LRFN2: variants seen among roughly 807,000 people sequenced by gnomAD.
LRFN2 encodes the protein leucine-rich repeat and fibronectin type-III domain-containing protein 2.
Under a neutral mutation model 37.3 loss-of-function variants are expected in LRFN2, and 18 were observed. The ratio of observed to expected loss-of-function variants is 0.48; its 90% CI spans 0.33 to 0.72. The LOEUF (loss-of-function observed/expected upper bound fraction) is 0.72, where lower values mean the gene tolerates loss of function less well. LRFN2 is among the 30% of genes least tolerant of loss of function. The pLI is 0.02. For missense variants in LRFN2, 1,006 were observed against 1,060.7 expected (o/e 0.95, Z 0.72); for synonymous variants, 556 against 466.6 (o/e 1.19, Z -2.47).
At chr6:40,410,788 T>A (rs1177319845) in intron 2 of LRFN2, among the ~76,000 whole-genome samples, 1 of 152,166 alleles carries the variant, frequency 6.6e-6, no homozygotes, top group Non-Finnish European at 1.5e-5. Flanking sequence ...GGGGTTGGGG[T>A]CTCTGCCAGA....
chr6:40,577,253 G>A (rs886141935), intron 1 of LRFN2, among the ~76,000 whole-genome samples: 15 of 151,718 alleles, frequency 9.9e-5, no homozygotes, highest in Non-Finnish European at 1.6e-4. Context: ...AGGCACGCGC[G>A]GCCATGTCCA....
chr6:40,435,048 T>G (rs1362795955), intron 1 of LRFN2, among the ~76,000 whole-genome samples: 6,526 of 69,444 alleles, frequency 0.094, 189 homozygotes, highest in East Asian at 0.17. Context: ...TATATATATA[T>G]ATATAGAGAG....
chr6:40,551,127 C>G (rs559837365), intron 1 of LRFN2, among the ~76,000 whole-genome samples: 2 of 152,256 alleles, frequency 1.3e-5, no homozygotes, highest in East Asian at 3.9e-4. Context: ...ACCCTGGCCA[C>G]AGAGACTAGT....
At chr6:40,486,037 C>G (rs924056468) in intron 1 of LRFN2, among the ~76,000 whole-genome samples, 5 of 152,360 alleles carry the variant, frequency 3.3e-5, no homozygotes, top group Middle Eastern at 3.4e-3. Context: ...AGTGCTACCC[C>G]TCCCTCCTGC....
At position 40,538,725 on chromosome 6, in the gene LRFN2, C is replaced by T. The variant is rs561842353; in HGVS notation, c.-19+48216G>A. 1.2e-3 allele frequency among the ~76,000 whole-genome samples: 190 copies of T among 152,346 alleles called. 1 individual carries two copies. Among genetic ancestry groups the T allele is most frequent in the African/African-American group, 4.4e-3 (181 of 41,576 alleles). On this transcript the variant is annotated intron_variant, in intron 1 of 2. Coordinates refer to ENST00000338305, the MANE Select transcript of LRFN2 (RefSeq NM_020737.3). ...TGTCTGACGCAGGGCGTCCTCTCAG[C>T]GCAGCCCCTCTCCACCTGCCCCCGG...
chr6:40,444,700 G>C (rs142505919), intron 1 of LRFN2, among the ~76,000 whole-genome samples: 2 of 152,178 alleles, frequency 1.3e-5, no homozygotes, highest in East Asian at 3.9e-4. Flanking sequence ...AATTAAGCTG[G>C]GTGGGGGTCA....
At chr6:40,453,552 A>ACC (rs1764167161) in intron 1 of LRFN2, among the ~76,000 whole-genome samples, 1 of 126,458 alleles carries the variant, frequency 7.9e-6, no homozygotes, top group African/African-American at 3.0e-5. Flanking sequence ...ACACACACAC[A>ACC]CACCTCCCTT....
At chr6:40,455,976 G>T (rs1398465640) in intron 1 of LRFN2, among the ~76,000 whole-genome samples, 2 of 152,174 alleles carry the variant, frequency 1.3e-5, no homozygotes, top group Admixed American at 6.5e-5. Flanking sequence ...TTCTGGCTTT[G>T]ATGGTGCAAA....
chr6:40,400,843 T>A (rs1762723067), intron 2 of LRFN2, among the ~76,000 whole-genome samples: 1 of 151,760 alleles, frequency 6.6e-6, no homozygotes, highest in Non-Finnish European at 1.5e-5. Flanking sequence ...TGTGAGAAGA[T>A]GTGTGTCTAA....
At chr6:40,399,349 A>G (rs1293198051) in intron 2 of LRFN2, among the ~76,000 whole-genome samples, 1 of 144,862 alleles carries the variant, frequency 6.9e-6, no homozygotes, top group African/African-American at 2.5e-5. Flanking sequence ...CACTGCCCCC[A>G]CCTGTTGTTG....
intron 1 of LRFN2, among the ~76,000 whole-genome samples, chr6:40,528,254 C>A (rs1766290506): frequency 6.6e-6 from 1 of 152,242 alleles, no homozygotes. Flanking sequence ...TGGCGGCCTG[C>A]CGAAGTGGAG....
intron 1 of LRFN2, among the ~76,000 whole-genome samples, chr6:40,460,218 A>G (rs143492011): frequency 6.6e-6 from 1 of 152,162 alleles, no homozygotes; most frequent in Non-Finnish European, 1.5e-5. Flanking sequence ...CAGTGAAACT[A>G]CTCTGTCAAT....
Position 40,432,281 on chromosome 6 carries a change from T to A in LRFN2, c.833A>T (p.His278Leu). 6.2e-7 allele frequency: 1 copy of A among 1,614,090 alleles called. No individual in the cohort carries two copies. The highest frequency in any genetic ancestry group is 8.5e-7 in the Non-Finnish European group (1 of 1,180,038). The change falls in exon 2 of 3, where the codon CAT becomes CTT. Residue 278 changes from histidine to leucine, a missense_variant. His to Leu is a moderately conservative substitution (Grantham distance 99). Around this residue, in one of 4 missense-constraint regions of LRFN2, gnomAD observed 303 missense variants for 299.8 expected, o/e 1.01. Transcript: ENST00000338305. ...PGGLKGRYFW[H>L]VREEEFVCEP... ...GCACACAAACTCCTCCTCACGCACA[T>A]GCCAGAAGTAGCGACCCTTGAGGCC... is the stretch of plus-strand genomic sequence containing the variant.
At chr6:40,537,636 T>C (rs1163737071) in intron 1 of LRFN2, among the ~76,000 whole-genome samples, 4 of 152,134 alleles carry the variant, frequency 2.6e-5, no homozygotes, top group African/African-American at 7.2e-5. Flanking sequence ...CCAAACCTAA[T>C]GAGACTTGTT....
intron 1 of LRFN2, among the ~76,000 whole-genome samples, chr6:40,434,951 A>G (rs528797691): frequency 4.1e-5 from 6 of 144,854 alleles, no homozygotes; most frequent in African/African-American, 1.5e-4. Flanking sequence ...ATTAATGTTT[A>G]AGTTTGCATT....
intron 1 of LRFN2, among the ~76,000 whole-genome samples, chr6:40,435,046 TATATATAGAG>T (rs1326384538): frequency 2.6e-3 from 215 of 81,136 alleles, no homozygotes; most frequent in Middle Eastern, 0.011. Flanking sequence ...TATATATATA[TATATATAGAG>T]AGAGAGAGAG....
intron 1 of LRFN2, among the ~76,000 whole-genome samples, chr6:40,443,143 A>G (rs945753652): frequency 6.6e-6 from 1 of 152,136 alleles, no homozygotes; most frequent in Non-Finnish European, 1.5e-5. Context: ...AGACAAAGGG[A>G]TCCCACGTGG....
chr6:40,571,680 T>A (rs942960799), intron 1 of LRFN2, among the ~76,000 whole-genome samples: 1 of 152,242 alleles, frequency 6.6e-6, no homozygotes, highest in Non-Finnish European at 1.5e-5. Context: ...CCAGGTCCGA[T>A]GTTGGAGCCT....
chr6:40,497,340 G>C (rs1765252419), intron 1 of LRFN2, among the ~76,000 whole-genome samples: 1 of 152,044 alleles, frequency 6.6e-6, no homozygotes. Context: ...GGCCCAACCT[G>C]TTGCCCTCAT....
Sources: allele counts gnomAD v4.1 joint callset (sites outside exome capture counted in the v4.1 genomes callset), GRCh38; gene constraint gnomAD v4.1.1; regional missense constraint gnomAD v4.1.1; transcripts MANE v1.5; gene names NCBI Gene and HGNC (gene_info 2026-07-23, HGNC 2026-07-21).